The following PCDHGA1 variants were observed in gnomAD, a reference collection of about 807,000 sequenced individuals.
PCDHGA1 encodes the protein protocadherin gamma-A1.
A neutral mutation model predicts 58.0 loss-of-function variants in PCDHGA1; 32 were observed. That is an observed-to-expected ratio of 0.55 (90% CI 0.42 to 0.74). The LOEUF (loss-of-function observed/expected upper bound fraction) is 0.74, where lower values mean the gene tolerates loss of function less well. Ranked by LOEUF, PCDHGA1 falls within the 30% of genes least tolerant of loss-of-function variation. The pLI, the probability that PCDHGA1 is intolerant of heterozygous loss-of-function variation, is 0.00. For synonymous variants in PCDHGA1, 498 were observed against 501.1 expected (o/e 0.99, Z 0.08); for missense variants, 1,205 against 1,182.3 (o/e 1.02, Z -0.28).
intron 1 of PCDHGA1, chr5:141,371,246 T>G: frequency 6.2e-7 from 1 of 1,614,006 alleles, no homozygotes; most frequent in South Asian, 1.1e-5. Flanking sequence ...TCATCAATAT[T>G]GGCAAGGAAG....
rs747671382 is a variant in PCDHGA1 at position 141,444,152 on chromosome 5, A to ATTTTTT, written c.2422-50624_2422-50619dup. ...GATATGTGTCACTTGTGTGTACTGG[A>ATTTTTT]TTTTTTTTTTTTTTTTTTTTTTTTT... On this transcript the variant is annotated intron_variant, in intron 1 of 3. Coordinates refer to ENST00000517417, the MANE Select transcript of PCDHGA1 (RefSeq NM_018912.3). Among the ~76,000 whole-genome samples the ATTTTTT allele has an allele frequency of 3.5e-4, 12 of 33,898 alleles. 1 individual carries two copies. Among genetic ancestry groups the ATTTTTT allele is most frequent in the African/African-American group, 4.2e-4 (3 of 7,184 alleles). The allele number at this position is 33,898 out of a possible 152,430, so 22.2% of individuals were successfully genotyped here.
Position 141,389,845 on chromosome 5 carries a change from C to A in PCDHGA1, c.2421+56740C>A, listed in dbSNP as rs572208776. 5.0e-5 allele frequency: 80 copies of A among 1,614,054 alleles called. No homozygotes were observed. In the Admixed American group the frequency reaches 1.3e-3, roughly 27 times the overall value. On this transcript the variant is annotated intron_variant, in intron 1 of 3. Transcript: ENST00000517417. ...GACGGTGGACAGCCACCACTCTCGG[C>A]CACTGCCACGTTGCACCTGGTCTTC...
intron 1 of PCDHGA1, chr5:141,392,935 A>G: frequency 1.2e-6 from 2 of 1,613,932 alleles, no homozygotes; most frequent in Non-Finnish European, 1.7e-6. Flanking sequence ...GAGACGGACA[A>G]AGGCTCCTTC....
rs2097383403 is a variant in PCDHGA1 at position 141,431,483 on chromosome 5, T to C, written c.2422-63324T>C. On this transcript the variant is annotated intron_variant, in intron 1 of 3. Coordinates refer to ENST00000517417, the MANE Select transcript of PCDHGA1 (RefSeq NM_018912.3). This position sits in a 1 kb window ranked among gnomAD's most constrained non-coding sequence, Gnocchi z 4.8. ...GGATGCGAACGACAACGCACCAGCG[T>C]TTGCTCAGCCCGAGTACCGCGCGAG... 2 of 1,613,758 alleles carry C rather than the reference T, an allele frequency of 1.2e-6. No homozygotes were observed. The highest frequency in any genetic ancestry group is 2.7e-5 in the African/African-American group (2 of 74,938).
intron 1 of PCDHGA1, chr5:141,393,900 G>A (rs1048161107): frequency 3.7e-6 from 6 of 1,613,906 alleles, no homozygotes; most frequent in South Asian, 1.1e-5. Flanking sequence ...TTCTCTTCCC[G>A]GGACAGTAAT....
intron 1 of PCDHGA1, among the ~76,000 whole-genome samples, chr5:141,463,438 C>CTTTTTTTTT (rs71576115): frequency 4.8e-5 from 5 of 103,252 alleles, no homozygotes; most frequent in African/African-American, 2.2e-4. Context: ...TTTCCTTCTC[C>CTTTTTTTTT]TTTTTTTTTT....
At chr5:141,437,338 C>T (rs1328789308) in intron 1 of PCDHGA1, among the ~76,000 whole-genome samples, 1 of 152,196 alleles carries the variant, frequency 6.6e-6, no homozygotes, top group Non-Finnish European at 1.5e-5. Flanking sequence ...TGTAGCTTCA[C>T]TGTTTTATAG....
At chr5:141,403,225 C>T (rs2154532251) in intron 1 of PCDHGA1, 2 of 1,613,958 alleles carry the variant, frequency 1.2e-6, no homozygotes, top group Non-Finnish European at 1.7e-6. Flanking sequence ...GTAGGATAGA[C>T]CGGGAGGAGC....
chr5:141,466,039 A>G (rs926979550), intron 1 of PCDHGA1, among the ~76,000 whole-genome samples: 1 of 152,122 alleles, frequency 6.6e-6, no homozygotes, highest in Non-Finnish European at 1.5e-5. Context: ...GGAGAACGGC[A>G]TGAACCCAGG....
At chr5:141,415,904 C>T in intron 1 of PCDHGA1, 1 of 833,428 alleles carries the variant, frequency 1.2e-6, no homozygotes, top group Non-Finnish European at 1.6e-6. Context: ...AGACAGACTT[C>T]CATACAGAAG....
intron 1 of PCDHGA1, chr5:141,383,127 C>T (rs1778840587): frequency 3.7e-6 from 6 of 1,614,054 alleles, no homozygotes; most frequent in Non-Finnish European, 4.2e-6. Flanking sequence ...AGCTTTTCGC[C>T]CTGAACCAGC....
chr5:141,375,335 TACA>T, intron 1 of PCDHGA1: 1 of 1,613,812 alleles, frequency 6.2e-7, no homozygotes, highest in Non-Finnish European at 8.5e-7. Flanking sequence ...GGTATTCTTG[TACA>T]ACATCACTGT....
At chr5:141,335,618 A>T (rs1056944286) in intron 1 of PCDHGA1, among the ~76,000 whole-genome samples, 1 of 152,206 alleles carries the variant, frequency 6.6e-6, no homozygotes, top group Non-Finnish European at 1.5e-5. Flanking sequence ...ATAATTTAGA[A>T]GCTTGATCTA....
chr5:141,492,111 C>T (rs2154587044), intron 1 of PCDHGA1, among the ~76,000 whole-genome samples: 1 of 152,320 alleles, frequency 6.6e-6, no homozygotes, highest in South Asian at 2.1e-4. Context: ...ATTTCCTCTT[C>T]GATTTCTCCC....
At chr5:141,427,683 G>A (rs761750638) in intron 1 of PCDHGA1, 3 of 836,052 alleles carry the variant, frequency 3.6e-6, no homozygotes, top group South Asian at 2.8e-5. Flanking sequence ...CCTTCCCGGA[G>A]CCTCCATCCC....
intron 1 of PCDHGA1, among the ~76,000 whole-genome samples, chr5:141,406,616 T>C (rs1226509680): frequency 1.3e-5 from 2 of 152,242 alleles, no homozygotes; most frequent in Non-Finnish European, 2.9e-5. Flanking sequence ...ACATCTTTTA[T>C]TCTCATATCT....
chr5:141,389,827 G>A lies in PCDHGA1; in HGVS notation c.2421+56722G>A, dbSNP rs754189855. ...CTTCTGGTCGCCGTGCGTGACGGTG[G>A]ACAGCCACCACTCTCGGCCACTGCC... On this transcript the variant is annotated intron_variant, in intron 1 of 3. Transcript: ENST00000517417. The A allele has an allele frequency of 1.4e-5, 22 of 1,613,838 alleles. No individual in the cohort carries two copies. The African/African-American group carries it at 2.7e-4, about 20-fold the overall frequency.
At position 141,491,899 on chromosome 5, in the gene PCDHGA1, G is replaced by A; in HGVS notation, c.2422-2908G>A. The A allele has an allele frequency of 7.0e-7, 1 of 1,433,322 alleles. No homozygotes were observed. Among genetic ancestry groups the A allele is most frequent in the South Asian group, 1.5e-5 (1 of 67,156 alleles). The allele number at this position is 1,433,322 out of a possible 1,614,324, so 88.8% of individuals were successfully genotyped here. A position where few individuals can be genotyped will look rare whatever the true frequency, so the allele number is the denominator to read the frequency against. On this transcript the variant is annotated intron_variant, in intron 1 of 3. Coordinates refer to ENST00000517417, the MANE Select transcript of PCDHGA1 (RefSeq NM_018912.3). The surrounding 1 kb of genome is among the most constrained non-coding windows in gnomAD (Gnocchi z 6.9). ...TTAAGGGATGGGGCTCCGAGCACCG[G>A]GGGTGGTGGCGACTGTGGGCGAGGG... is the stretch of plus-strand genomic sequence containing the variant.
At chr5:141,357,538 A>T in intron 1 of PCDHGA1, 1 of 1,614,228 alleles carries the variant, frequency 6.2e-7, no homozygotes, top group Non-Finnish European at 8.5e-7. Context: ...AGACACGCTC[A>T]TCAGCCGGGA....
Sources: allele counts gnomAD v4.1 joint callset (sites outside exome capture counted in the v4.1 genomes callset), GRCh38; gene constraint gnomAD v4.1.1; non-coding constraint Gnocchi (gnomAD v3.1); transcripts MANE v1.5; gene names NCBI Gene and HGNC (gene_info 2026-07-23, HGNC 2026-07-21).